Variants in GNG10 observed in about 807,000 individuals in gnomAD.
GNG10 encodes guanine nucleotide-binding protein G(I)/G(S)/G(O) subunit gamma-10.
In GNG10, 7 loss-of-function variants were observed where a neutral mutation model predicts 6.8. That is an observed-to-expected ratio of 1.02 (90% CI 0.58 to 1.92). The LOEUF (loss-of-function observed/expected upper bound fraction) is 1.92, where lower values mean the gene tolerates loss of function less well. Ranked by LOEUF, GNG10 falls within the 30% of genes most tolerant of loss-of-function variation. The probability of loss-of-function intolerance (pLI) is 0.00; values close to 1 mark genes in which losing one functional copy is unlikely to be tolerated. For missense variants in GNG10, 57 were observed against 86.1 expected (o/e 0.66, Z 1.34); for synonymous variants, 28 against 34.8 (o/e 0.80, Z 0.69).
intron 1 of GNG10, among the ~76,000 whole-genome samples, chr9:111,666,317 A>C (rs1830897368): frequency 6.6e-6 from 1 of 152,192 alleles, no homozygotes; most frequent in Non-Finnish European, 1.5e-5. Context: ...GAGTCCACGC[A>C]GTCTGGTTCC....
rs2131277889 is a variant in GNG10, at chr9:111,661,848, T to G, written c.81+133T>G. On this transcript the variant is annotated intron_variant, in intron 1 of 2. Transcript: ENST00000374293. This position sits in a 1 kb window ranked among gnomAD's most constrained non-coding sequence, Gnocchi z 6.1. The stretch of plus-strand genomic sequence containing the variant: ...AGGCCTCGGCGGGGCGCGGGGGCGG[T>G]GGGGTCCGCGGTGAGGGAGGGCGCG... The G allele has an allele frequency of 2.9e-6, 1 of 340,762 alleles. No individual in the cohort carries two copies. The allele number at this position is 340,762 out of a possible 1,614,324, so 21.1% of individuals were successfully genotyped here. A position where few individuals can be genotyped will look rare whatever the true frequency, so the allele number is the denominator to read the frequency against.
Position 111,661,828 on chromosome 9 carries a change from TC to T in GNG10, c.81+114del. ...GGGACTCGGTGGCGGCGGCGAGGCC[TC>T]GGCGGGGCGCGGGGGCGGTGGGGTC... On this transcript the variant is annotated intron_variant, in intron 1 of 2. Transcript: ENST00000374293. The surrounding 1 kb of genome is among the most constrained non-coding windows in gnomAD (Gnocchi z 6.1). The T allele has an allele frequency of 4.3e-6, 2 of 469,322 alleles. No individual in the cohort carries two copies. The highest frequency in any genetic ancestry group is 6.2e-6 in the Non-Finnish European group (2 of 324,830). 29.1% of individuals were successfully genotyped at this position (469,322 alleles called of 1,614,324 possible).
At chr9:111,665,752 G>A (rs755037786) in intron 1 of GNG10, among the ~76,000 whole-genome samples, 4 of 151,846 alleles carry the variant, frequency 2.6e-5, no homozygotes, top group African/African-American at 7.3e-5. Flanking sequence ...TTGAGACGGA[G>A]TTTTGCTCTT....
chr9:111,666,727 C>G (rs1830905129), intron 1 of GNG10, 88 bp from the exon 2 acceptor site: 1 of 1,472,408 alleles, frequency 6.8e-7, no homozygotes. Context: ...TGATATTTAC[C>G]AAGTTGGATG....
In GNG10 at chr9:111,666,960, C is replaced by T. The variant is rs751130472; in HGVS notation, c.*6+14C>T. 23 of 1,613,704 alleles carry T rather than the reference C, an allele frequency of 1.4e-5. No homozygotes were observed. Among genetic ancestry groups the T allele is most frequent in the Non-Finnish European group, 1.8e-5 (21 of 1,179,756 alleles). ...CTCTGAAGACTCGTGAGTAATGATA[C>T]ACCATGATGTCTTGGGCCCATAGCA... On this transcript the variant is annotated intron_variant, in intron 2 of 2. Coordinates refer to ENST00000374293, the MANE Select transcript of GNG10 (RefSeq NM_001017998.4).
chr9:111,665,370 A>G (rs57715100), intron 1 of GNG10, among the ~76,000 whole-genome samples: 5,546 of 152,288 alleles, frequency 0.036, 328 homozygotes, highest in African/African-American at 0.13. Flanking sequence ...TAAAAGATTT[A>G]TACTCACAGT....
intron 1 of GNG10, among the ~76,000 whole-genome samples, chr9:111,663,080 G>T (rs1830848514): frequency 6.6e-6 from 1 of 152,128 alleles, no homozygotes; most frequent in South Asian, 2.1e-4. Flanking sequence ...GAAGGTAAGG[G>T]TGTGTGTAAA....
intron 1 of GNG10, among the ~76,000 whole-genome samples, chr9:111,663,556 C>T (rs539955686): frequency 1.3e-5 from 2 of 151,940 alleles, no homozygotes; most frequent in South Asian, 4.2e-4. Flanking sequence ...ATAAAGGAGG[C>T]AGCACCCTGG....
chr9:111,664,448 C>T (rs1204194755), intron 1 of GNG10, among the ~76,000 whole-genome samples: 1 of 152,140 alleles, frequency 6.6e-6, no homozygotes, highest in Non-Finnish European at 1.5e-5. Flanking sequence ...CACCAATTTT[C>T]TAGCATATAA....
chr9:111,669,074 G>C (rs1830958871), intron 2 of GNG10, among the ~76,000 whole-genome samples, 195 bp from the exon 3 acceptor site: 1 of 149,708 alleles, frequency 6.7e-6, no homozygotes, highest in Non-Finnish European at 1.5e-5. Context: ...GGTCAGGCTG[G>C]TCTTGAACTC....
rs1182226438 is a variant in GNG10, at chr9:111,661,888, C to T, written c.81+173C>T. Reference sequence around the variant, plus strand: ...GGGAGGGCGCGGGGCAAGCCGGGGGCCCGGGCCTGACGGGAGGAAGCCGCG... The same window carrying T: ...GGGAGGGCGCGGGGCAAGCCGGGGGTCCGGGCCTGACGGGAGGAAGCCGCG... On this transcript the variant is annotated intron_variant, in intron 1 of 2. Transcript: ENST00000374293. The surrounding 1 kb of genome is among the most constrained non-coding windows in gnomAD (Gnocchi z 6.1). Among the ~76,000 whole-genome samples, 1 of 151,352 alleles carries T rather than the reference C, an allele frequency of 6.6e-6. No individual in the cohort carries two copies. The highest frequency in any genetic ancestry group is 1.5e-5 in the Non-Finnish European group (1 of 67,782).
At chr9:111,667,291 A>G (rs1014732247) in intron 2 of GNG10, among the ~76,000 whole-genome samples, 29 of 151,872 alleles carry the variant, frequency 1.9e-4, no homozygotes, top group African/African-American at 7.0e-4. Flanking sequence ...GTACAGTGGC[A>G]TGATCTTGGC....
In GNG10 at chr9:111,666,921, G is replaced by T; in HGVS notation, c.188G>T (p.Arg63Ile). 6.2e-7 allele frequency: 1 copy of T among 1,614,098 alleles called. No individual in the cohort carries two copies. The highest frequency in any genetic ancestry group is 8.5e-7 in the Non-Finnish European group (1 of 1,180,008). ...PAGSNPFREP[R>I]SCALL ...GGAAGTAACCCCTTCCGGGAGCCTAGATCCTGTGCTTTACTCTGAAGACTC... is the reference window on the plus strand; with the variant it reads ...GGAAGTAACCCCTTCCGGGAGCCTATATCCTGTGCTTTACTCTGAAGACTC... The change falls in exon 2 of 3, where the codon AGA (arginine) becomes ATA (isoleucine). Residue 63 changes from arginine to isoleucine, a missense_variant. Coordinates refer to ENST00000374293, the MANE Select transcript of GNG10 (RefSeq NM_001017998.4).
At chr9:111,663,682 G>T (rs1370761896) in intron 1 of GNG10, among the ~76,000 whole-genome samples, 1 of 152,154 alleles carries the variant, frequency 6.6e-6, no homozygotes, top group Non-Finnish European at 1.5e-5. Flanking sequence ...GGCTGTTTGA[G>T]GGGAAGAAGT....
At chr9:111,665,838 T>C (rs1830887529) in intron 1 of GNG10, among the ~76,000 whole-genome samples, 3 of 151,786 alleles carry the variant, frequency 2.0e-5, no homozygotes, top group Non-Finnish European at 1.5e-5. Flanking sequence ...GCGATTCTCC[T>C]GCCTCAACCT....
At chr9:111,668,384 T>G (rs1443993476) in intron 2 of GNG10, among the ~76,000 whole-genome samples, 1 of 151,766 alleles carries the variant, frequency 6.6e-6, no homozygotes, top group Non-Finnish European at 1.5e-5. Context: ...AAGATAATAG[T>G]CTTATGTTGG....
At chr9:111,663,024 C>CG (rs200176290) in intron 1 of GNG10, among the ~76,000 whole-genome samples, 82 of 148,892 alleles carry the variant, frequency 5.5e-4, no homozygotes, top group African/African-American at 1.1e-3. Flanking sequence ...GACAGGGCTA[C>CG]GGGGGGGTGG....
chr9:111,664,367 G>A (rs769159311), intron 1 of GNG10, among the ~76,000 whole-genome samples: 4 of 152,124 alleles, frequency 2.6e-5, no homozygotes, highest in Non-Finnish European at 5.9e-5. Context: ...CTCATTCATT[G>A]TTGGATGTGC....
intron 1 of GNG10, among the ~76,000 whole-genome samples, chr9:111,662,917 G>GCTTTT (rs1830845203): frequency 6.6e-6 from 1 of 151,994 alleles, no homozygotes; most frequent in Non-Finnish European, 1.5e-5. Flanking sequence ...TTTAACTTAG[G>GCTTTT]AAATGAAAAG....
Sources: allele counts gnomAD v4.1 joint callset (sites outside exome capture counted in the v4.1 genomes callset), GRCh38; gene constraint gnomAD v4.1.1; non-coding constraint Gnocchi (gnomAD v3.1); transcripts MANE v1.5; gene names NCBI Gene and HGNC (gene_info 2026-07-23, HGNC 2026-07-21).